Variants in CLSTN2 observed in about 807,000 individuals in gnomAD.
CLSTN2 encodes the protein calsyntenin-2.
In CLSTN2, 48 loss-of-function variants were observed where a neutral mutation model predicts 101.2. The observed-to-expected ratio is 0.47, with a 90% CI of 0.38 to 0.60. The LOEUF is 0.60. Among genes scored for constraint, CLSTN2 ranks in the 20% least tolerant of loss-of-function variants. The pLI is 0.00. For synonymous variants in CLSTN2, 481 were observed against 463.6 expected (o/e 1.04, Z -0.48); for missense variants, 1,160 against 1,238.2 (o/e 0.94, Z 0.95).
chr3:140,552,540 T>C (rs1935722899), intron 10 of CLSTN2, among the ~76,000 whole-genome samples: 1 of 151,642 alleles, frequency 6.6e-6, no homozygotes. Context: ...CAGACCAGGG[T>C]ATTAACTGGA....
Position 140,031,897 on chromosome 3 carries a change from G to T in CLSTN2, c.109+96414G>T, listed in dbSNP as rs140714880. The stretch of plus-strand genomic sequence containing the variant: ...TCAGCCACTGCACAATTGATGGTGT[G>T]ATCTTGGGGAAGTCATTTGTCTTTC... On this transcript the variant is annotated intron_variant, in intron 1 of 16. Coordinates refer to ENST00000458420, the MANE Select transcript of CLSTN2 (RefSeq NM_022131.3). Among the ~76,000 whole-genome samples the T allele has an allele frequency of 2.0e-4, 30 of 152,290 alleles. No homozygotes were observed. The East Asian group carries it at 5.0e-3, about 25-fold the overall frequency.
At chr3:140,514,911 C>G (rs922459602) in intron 8 of CLSTN2, among the ~76,000 whole-genome samples, 3 of 152,046 alleles carry the variant, frequency 2.0e-5, no homozygotes, top group African/African-American at 7.2e-5. Flanking sequence ...GGAGGACTCT[C>G]TCTTTCTCTA....
chr3:140,321,463 C>T (rs1254252030), intron 2 of CLSTN2, among the ~76,000 whole-genome samples: 1 of 152,108 alleles, frequency 6.6e-6, no homozygotes, highest in Non-Finnish European at 1.5e-5. Flanking sequence ...GCCTTCTTCT[C>T]CCCTTGCTCC....
chr3:140,109,491 C>A (rs774387765), intron 1 of CLSTN2, among the ~76,000 whole-genome samples: 1 of 152,152 alleles, frequency 6.6e-6, no homozygotes, highest in Non-Finnish European at 1.5e-5. Flanking sequence ...GGTGGCGAAT[C>A]TCCCTTCCTG....
At chr3:140,406,189 CCAACA>C (rs370215689) in intron 4 of CLSTN2, among the ~76,000 whole-genome samples, 88 of 152,230 alleles carry the variant, frequency 5.8e-4, no homozygotes, top group African/African-American at 2.1e-3. Context: ...CAGGAGAAAC[CCAACA>C]CTTCATGATG....
At chr3:140,475,840 AT>A (rs1933971686) in intron 8 of CLSTN2, among the ~76,000 whole-genome samples, 1 of 152,244 alleles carries the variant, frequency 6.6e-6, no homozygotes, top group Non-Finnish European at 1.5e-5. Flanking sequence ...CCTAATACAT[AT>A]TTAAAATCAG....
At chr3:140,222,871 T>C (rs368940486) in intron 2 of CLSTN2, among the ~76,000 whole-genome samples, 4 of 22,652 alleles carry the variant, frequency 1.8e-4, no homozygotes, top group Admixed American at 1.3e-3. Context: ...ATTAAAATTT[T>C]AAGAAAAAAA....
intron 2 of CLSTN2, among the ~76,000 whole-genome samples, chr3:140,297,026 T>C (rs995646004): frequency 1.3e-5 from 2 of 152,212 alleles, no homozygotes; most frequent in Non-Finnish European, 2.9e-5. Context: ...TATTCCACAG[T>C]GTGCCCAGCT....
At chr3:140,207,443 C>T (rs1186773872) in intron 2 of CLSTN2, among the ~76,000 whole-genome samples, 2 of 152,184 alleles carry the variant, frequency 1.3e-5, no homozygotes, top group Admixed American at 6.5e-5. Context: ...TCAGGCTACA[C>T]TCAACTTACC....
chr3:140,327,137 C>T lies in CLSTN2; in HGVS notation c.233-76492C>T, dbSNP rs542527865. On this transcript the variant is annotated intron_variant, in intron 2 of 16. Transcript: ENST00000458420. ...GACAAGACTAACCCACAGAAACAGA[C>T]GCACACATGCACATATACACATGCG... 5.3e-5 allele frequency among the ~76,000 whole-genome samples: 8 copies of T among 152,270 alleles called. No individual in the cohort carries two copies. The East Asian group carries it at 9.6e-4, about 18-fold the overall frequency.
chr3:140,085,895 T>C (rs1183547741), intron 1 of CLSTN2, among the ~76,000 whole-genome samples: 2 of 152,170 alleles, frequency 1.3e-5, no homozygotes, highest in Non-Finnish European at 2.9e-5. Flanking sequence ...TTCATGAAAG[T>C]CTGTGATGAC....
chr3:140,096,335 G>A (rs2008868818), intron 1 of CLSTN2, among the ~76,000 whole-genome samples: 1 of 152,178 alleles, frequency 6.6e-6, no homozygotes, highest in Non-Finnish European at 1.5e-5. Flanking sequence ...AGCTTTTGCA[G>A]TGGAAGGTTT....
At chr3:140,150,967 C>T (rs931702696) in intron 1 of CLSTN2, among the ~76,000 whole-genome samples, 1 of 151,986 alleles carries the variant, frequency 6.6e-6, no homozygotes, top group Non-Finnish European at 1.5e-5. Context: ...GCACCTCCTG[C>T]ACCTTGTTCT....
chr3:139,941,177 G>C (rs991689479), intron 1 of CLSTN2, among the ~76,000 whole-genome samples: 1 of 152,096 alleles, frequency 6.6e-6, no homozygotes, highest in Admixed American at 6.6e-5. Context: ...CTGTGGAAAT[G>C]GTTCCCTGGG....
chr3:140,145,566 C>T (rs529464184), intron 1 of CLSTN2, among the ~76,000 whole-genome samples: 2 of 152,352 alleles, frequency 1.3e-5, no homozygotes, highest in African/African-American at 2.4e-5. Flanking sequence ...TTGACCATCT[C>T]GGCAGACACT....
At position 140,559,650 on chromosome 3, in the gene CLSTN2, G is replaced by A. The variant is rs189241099; in HGVS notation, c.2041+793G>A. 2.9e-4 allele frequency among the ~76,000 whole-genome samples: 44 copies of A among 152,086 alleles called. No individual in the cohort carries two copies. The East Asian group carries it at 6.0e-3, about 21-fold the overall frequency. ...CCTTTTGTTACTCCGAGGGACGGGG[G>A]AAATATAAATTTCAGAAGTGTCCTT... On this transcript the variant is annotated intron_variant, in intron 12 of 16. Transcript: ENST00000458420.
chr3:139,980,552 G>A (rs556472717), intron 1 of CLSTN2, among the ~76,000 whole-genome samples: 8 of 152,164 alleles, frequency 5.3e-5, no homozygotes, highest in Admixed American at 3.3e-4. Flanking sequence ...TGTCCTTTAT[G>A]TGTTTGTCTC....
intron 1 of CLSTN2, among the ~76,000 whole-genome samples, chr3:139,942,506 C>T (rs573132199): frequency 9.3e-4 from 141 of 152,250 alleles, no homozygotes; most frequent in African/African-American, 3.3e-3. Context: ...TACTTTTAAA[C>T]ATATTAGGTG....
At position 140,187,436 on chromosome 3, in the gene CLSTN2, G is replaced by A. The variant is rs185271392; in HGVS notation, c.232+11363G>A. ...CCCTCTCCCCAGCAAGGAGGAAAAG[G>A]CCTTTCTCTTCTGGCCTACTCTTGC... On this transcript the variant is annotated intron_variant, in intron 2 of 16. Coordinates refer to ENST00000458420, the MANE Select transcript of CLSTN2 (RefSeq NM_022131.3). Among the ~76,000 whole-genome samples the A allele has an allele frequency of 4.6e-5, 7 of 152,230 alleles. No individual in the cohort carries two copies. The East Asian group carries it at 1.2e-3, about 25-fold the overall frequency.
Sources: allele counts gnomAD v4.1 joint callset (sites outside exome capture counted in the v4.1 genomes callset), GRCh38; gene constraint gnomAD v4.1.1; transcripts MANE v1.5; gene names NCBI Gene and HGNC (gene_info 2026-07-23, HGNC 2026-07-21).